Variants in CACNG7 observed in about 807,000 individuals in gnomAD.
CACNG7 encodes calcium voltage-gated channel auxiliary subunit gamma 7, also known as voltage-dependent calcium channel gamma-7 subunit.
Under a neutral mutation model 26.3 loss-of-function variants are expected in CACNG7, and 9 were observed. That is an observed-to-expected ratio of 0.34 (90% CI 0.21 to 0.60). The LOEUF (loss-of-function observed/expected upper bound fraction) is 0.60, where lower values mean the gene tolerates loss of function less well. CACNG7 is among the 20% of genes least tolerant of loss of function. The probability of loss-of-function intolerance (pLI) is 0.81; values close to 1 mark genes in which losing one functional copy is unlikely to be tolerated. For synonymous variants in CACNG7, 170 were observed against 157.0 expected (o/e 1.08, Z -0.62); for missense variants, 297 against 380.4 (o/e 0.78, Z 1.82).
Position 53,942,329 on chromosome 19 carries a change from C to G in CACNG7, c.*36C>G, listed in dbSNP as rs1249668605. On this transcript the variant is annotated 3_prime_UTR_variant, in exon 6 of 6. Coordinates refer to ENST00000391767, the MANE Select transcript of CACNG7 (RefSeq NM_031896.5). The surrounding 1 kb of genome is among the most constrained non-coding windows in gnomAD (Gnocchi z 5.9). ...TCGGAGCTCCCCCTGCCTCCTCCTCCTCCTCGTCTTAGGGGGGTCTCCCTG... is the reference window on the plus strand; with the variant it reads ...TCGGAGCTCCCCCTGCCTCCTCCTCGTCCTCGTCTTAGGGGGGTCTCCCTG... The G allele has an allele frequency of 2.0e-6, 3 of 1,491,466 alleles. No homozygotes were observed. The highest frequency in any genetic ancestry group is 2.7e-6 in the Non-Finnish European group (3 of 1,127,026). The allele number at this position is 1,491,466 out of a possible 1,614,324, so 92.4% of individuals were successfully genotyped here.
At chr19:53,930,812 A>G (rs979420490) in intron 4 of CACNG7, among the ~76,000 whole-genome samples, 49 of 152,066 alleles carry the variant, frequency 3.2e-4, no homozygotes, top group African/African-American at 1.2e-3. Context: ...GCCCCACCTC[A>G]CTTTTTAAAC....
chr19:53,941,473 T>G lies in CACNG7; in HGVS notation c.428T>G (p.Leu143Arg). 1 of 1,562,314 alleles carries G rather than the reference T, an allele frequency of 6.4e-7. No homozygotes were observed. The highest frequency in any genetic ancestry group is 8.6e-7 in the Non-Finnish European group (1 of 1,159,656). ...GGCACCCCCTCTGCTCCCCTAGGCC[T>G]CTCCTTGGTGGTGGGCTTGGTTCTT... ...VSGIFFILSG[L>R]SLVVGLVLYI... The change falls in exon 5 of 6, where the codon CTC (leucine) becomes CGC (arginine). Residue 143 changes from leucine (L) to arginine (R), a missense_variant. Coordinates refer to ENST00000391767, the MANE Select transcript of CACNG7 (RefSeq NM_031896.5).
intron 4 of CACNG7, among the ~76,000 whole-genome samples, chr19:53,921,775 T>C (rs1322408271): frequency 2.9e-4 from 14 of 47,734 alleles, no homozygotes; most frequent in Admixed American, 5.9e-4. Context: ...TTGTCCCAGG[T>C]CTGGTCATTG....
intron 2 of CACNG7, among the ~76,000 whole-genome samples, chr19:53,913,434 C>T (rs529132449): frequency 5.7e-4 from 87 of 152,006 alleles, no homozygotes; most frequent in East Asian, 3.9e-3. Flanking sequence ...CCAGCCTGGC[C>T]GACATGGTGA....
intron 4 of CACNG7, among the ~76,000 whole-genome samples, chr19:53,931,230 G>A (rs752977134): frequency 6.6e-6 from 1 of 152,092 alleles, no homozygotes; most frequent in African/African-American, 2.4e-5. Context: ...TAATACATTC[G>A]TCTACGTAAC....
At chr19:53,930,590 G>T (rs1211207502) in intron 4 of CACNG7, among the ~76,000 whole-genome samples, 1 of 152,122 alleles carries the variant, frequency 6.6e-6, no homozygotes, top group Non-Finnish European at 1.5e-5. Context: ...AGCCAGGATG[G>T]TCTTGAACTC....
intron 4 of CACNG7, among the ~76,000 whole-genome samples, chr19:53,937,116 C>T (rs373309502): frequency 1.3e-5 from 2 of 152,152 alleles, no homozygotes; most frequent in East Asian, 1.9e-4. Flanking sequence ...TCTTGAGCTG[C>T]TGACCTCAAG....
At chr19:53,928,541 C>T (rs1435032217) in intron 4 of CACNG7, among the ~76,000 whole-genome samples, 3 of 152,022 alleles carry the variant, frequency 2.0e-5, no homozygotes, top group Non-Finnish European at 4.4e-5. Flanking sequence ...TCCCAAAGTG[C>T]TGAGATTACA....
chr19:53,929,318 G>T (rs979369210), intron 4 of CACNG7, among the ~76,000 whole-genome samples: 1 of 151,956 alleles, frequency 6.6e-6, no homozygotes, highest in Non-Finnish European at 1.5e-5. Context: ...TGATTCCCCT[G>T]CATCTGAGTT....
chr19:53,919,882 G>C (rs1393468438), intron 4 of CACNG7, among the ~76,000 whole-genome samples: 1 of 138,608 alleles, frequency 7.2e-6, no homozygotes. Flanking sequence ...CCCCAGGCTG[G>C]TCATTGGTGG....
chr19:53,930,510 T>A (rs1321840463), intron 4 of CACNG7, among the ~76,000 whole-genome samples: 1 of 152,136 alleles, frequency 6.6e-6, no homozygotes, highest in African/African-American at 2.4e-5. Context: ...GTAGCTGGGA[T>A]TGCAGGTGCC....
Position 53,914,493 on chromosome 19 carries a change from C to A in CACNG7, c.197-7C>A, listed in dbSNP as rs1205149708. ...CATCCAGCCCTGTCTGTTTCTCTTC[C>A]CCCCAGGTCGGGAGAAAGGTCGCTG... On this transcript the variant is annotated splice_polypyrimidine_tract_variant and splice_region_variant and intron_variant, in intron 2 of 5. Transcript: ENST00000391767. 2 of 1,613,532 alleles carry A rather than the reference C, an allele frequency of 1.2e-6. No homozygotes were observed. Among genetic ancestry groups the A allele is most frequent in the East Asian group, 4.5e-5 (2 of 44,860 alleles).
chr19:53,924,714 T>G (rs866784061), intron 4 of CACNG7, among the ~76,000 whole-genome samples: 16,208 of 77,308 alleles, frequency 0.21, 1 homozygote, highest in Middle Eastern at 0.31. Context: ...GTTGCCCCAG[T>G]TCTGGTATTG....
chr19:53,921,742 C>T lies in CACNG7; in HGVS notation c.424+6237C>T, dbSNP rs1479564249. Among the ~76,000 whole-genome samples the T allele has an allele frequency of 7.8e-4, 43 of 55,362 alleles. 3 individuals are homozygous for T. Among genetic ancestry groups the T allele is most frequent in the East Asian group, 3.5e-3 (10 of 2,886 alleles). The allele number at this position is 55,362 out of a possible 152,430, so 36.3% of individuals were successfully genotyped here. A position where few individuals can be genotyped will look rare whatever the true frequency, so the allele number is the denominator to read the frequency against. On this transcript the variant is annotated intron_variant, in intron 4 of 5. Transcript: ENST00000391767. ...CCCAGGCTGGTCATTGGTGGAGTTG[C>T]CCCAGGTCTGGTATTGGTGGAGTTG...
chr19:53,924,125 G>T (rs1265878910), intron 4 of CACNG7, among the ~76,000 whole-genome samples: 1 of 145,210 alleles, frequency 6.9e-6, no homozygotes, highest in Non-Finnish European at 1.5e-5. Context: ...CTTGCCCCAG[G>T]TCTGGTTATT....
chr19:53,930,349 C>T (rs771277785), intron 4 of CACNG7, among the ~76,000 whole-genome samples: 21 of 152,020 alleles, frequency 1.4e-4, no homozygotes, highest in Admixed American at 3.9e-4. Context: ...GCTAGGACTA[C>T]AGGCGGGCAC....
intron 4 of CACNG7, among the ~76,000 whole-genome samples, chr19:53,922,716 C>CCCCAGGTCTGGTCATTGGTGGAGTTGT (rs1599979853): frequency 3.8e-5 from 2 of 52,646 alleles, no homozygotes; most frequent in African/African-American, 2.2e-4. Context: ...GGTGGAGTTG[C>CCCCAGGTCTGGTCATTGGTGGAGTTGT]CCCAGGTCTG....
chr19:53,930,209 CA>C (rs1290453182), intron 4 of CACNG7, among the ~76,000 whole-genome samples: 2 of 140,688 alleles, frequency 1.4e-5, no homozygotes, highest in East Asian at 3.9e-4. Flanking sequence ...CCTACCTCAC[CA>C]TTTTTTTTTT....
rs2069144244 is a variant in CACNG7 at position 53,942,387 on chromosome 19, C to T, written c.*94C>T. 5 of 1,523,656 alleles carry T rather than the reference C, an allele frequency of 3.3e-6. No individual in the cohort carries two copies. The highest frequency in any genetic ancestry group is 2.3e-5 in the East Asian group (1 of 43,830). 94.4% of individuals were successfully genotyped at this position (1,523,656 alleles called of 1,614,324 possible). On this transcript the variant is annotated 3_prime_UTR_variant, in exon 6 of 6. Transcript: ENST00000391767. This position sits in a 1 kb window ranked among gnomAD's most constrained non-coding sequence, Gnocchi z 5.9. ...GCGCCCCCTTCCGTCCTCGGGACTC[C>T]TCGCTCCCACCCGGAGGAGGCTGCG... is the stretch of plus-strand genomic sequence containing the variant.
Sources: allele counts gnomAD v4.1 joint callset (sites outside exome capture counted in the v4.1 genomes callset), GRCh38; gene constraint gnomAD v4.1.1; non-coding constraint Gnocchi (gnomAD v3.1); transcripts MANE v1.5; gene names NCBI Gene and HGNC (gene_info 2026-07-23, HGNC 2026-07-21).